Variants in MCF2 observed in about 807,000 individuals in gnomAD.
MCF2 encodes the protein proto-oncogene DBL.
MCF2 carries 44 observed loss-of-function variants against 82.5 expected under a neutral mutation model. The ratio of observed to expected loss-of-function variants is 0.53; its 90% CI spans 0.42 to 0.69. MCF2 has a LOEUF of 0.69. MCF2 is among the 30% of genes least tolerant of loss of function. The probability of loss-of-function intolerance (pLI) is 0.00; values close to 1 mark genes in which losing one functional copy is unlikely to be tolerated. For missense variants in MCF2, 623 were observed against 663.1 expected, an observed-to-expected ratio of 0.94 and a Z score of 0.66; for synonymous variants, 217 against 224.9, an observed-to-expected ratio of 0.96 and a Z score of 0.32.
intron 17 of MCF2, 142 bp downstream of exon 21, chrX:139,598,264 T>A (rs1930264923): frequency 4.8e-6 from 2 of 419,222 alleles, no homozygotes; most frequent in Non-Finnish European, 8.2e-6. Context: ...TGGAGCACAC[T>A]GCAAAATTCT....
chrX:139,648,912 T>G (rs1025579540), intron 2 of MCF2, among the ~76,000 whole-genome samples: 1 of 112,059 alleles, frequency 8.9e-6, no homozygotes, highest in Non-Finnish European at 1.9e-5. Context: ...CAAAAACTGA[T>G]AGAGTGGCAA....
chrX:139,602,477 C>T (rs1352052939), exon 16 of MCF2: 1 of 1,191,374 alleles, frequency 8.4e-7, no homozygotes, highest in Non-Finnish European at 1.1e-6. Flanking sequence ...CAATATTTTG[C>T]ATACATCTGA....
intron 6 of MCF2, among the ~76,000 whole-genome samples, chrX:139,620,571 G>A (rs897868101): frequency 3.6e-5 from 4 of 111,175 alleles, no homozygotes; most frequent in African/African-American, 1.3e-4. Context: ...CACCAATAAT[G>A]TTCAAGCTGA....
chrX:139,603,992 C>T (rs1930771407), intron 15 of MCF2, among the ~76,000 whole-genome samples: 1 of 112,054 alleles, frequency 8.9e-6, no homozygotes. Flanking sequence ...ATTGAATTAA[C>T]TCTTAAATCA....
chrX:139,680,455 T>A (rs964994432), intron 1 of MCF2, among the ~76,000 whole-genome samples: 8 of 112,163 alleles, frequency 7.1e-5, no homozygotes, highest in African/African-American at 2.3e-4. Context: ...GAAAAGGCAC[T>A]GAAAGGGCAT....
Position 139,598,395 on chromosome X carries a change from C to A in MCF2, c.1929+11G>T, listed in dbSNP as rs756234303. On this transcript the variant is annotated intron_variant, in intron 17 of 24. Transcript: ENST00000370576. ...AAAGTAAAGAAACAAACAAATGCTTCATATAATTACCTTCAACAATAACTG... is the reference window on the plus strand; with the variant it reads ...AAAGTAAAGAAACAAACAAATGCTTAATATAATTACCTTCAACAATAACTG... 1 of 1,063,364 alleles carries A rather than the reference C, an allele frequency of 9.4e-7. No homozygotes were observed. Among genetic ancestry groups the A allele is most frequent in the South Asian group, 1.9e-5 (1 of 51,818 alleles). 87.6% of individuals were successfully genotyped at this position (1,063,364 alleles called of 1,213,427 possible).
chrX:139,702,981 G>C (rs1020044730), intron 1 of MCF2, among the ~76,000 whole-genome samples: 1 of 112,271 alleles, frequency 8.9e-6, no homozygotes, highest in Non-Finnish European at 1.9e-5. Context: ...CCCTTCCAAA[G>C]GCATCCCACA....
upstream of MCF2, chrX:139,645,571 G>T: frequency 5.1e-6 from 6 of 1,170,194 alleles, no homozygotes; most frequent in African/African-American, 1.8e-5. Context: ...TACTTACCGA[G>T]ATTTTTTGGA....
chrX:139,635,416 G>A (rs184827629), intron 1 of MCF2, among the ~76,000 whole-genome samples: 81 of 111,433 alleles, frequency 7.3e-4, no homozygotes, highest in Non-Finnish European at 1.3e-3. Flanking sequence ...AGCACTTTGG[G>A]AAGCTGAGGT....
chrX:139,678,480 T>G (rs755570399), intron 1 of MCF2, among the ~76,000 whole-genome samples: 134 of 112,056 alleles, frequency 1.2e-3, no homozygotes, highest in Non-Finnish European at 2.1e-3. Context: ...TTATGCTACA[T>G]TAAAATTTTT....
At chrX:139,703,136 C>T (rs1935529849) in intron 1 of MCF2, among the ~76,000 whole-genome samples, 1 of 111,921 alleles carries the variant, frequency 8.9e-6, no homozygotes, top group African/African-American at 3.2e-5. Flanking sequence ...CTCTTCCCTG[C>T]TCTTCTGCAT....
At chrX:139,633,293 T>C (rs1252389926) in intron 1 of MCF2, among the ~76,000 whole-genome samples, 1 of 111,709 alleles carries the variant, frequency 9.0e-6, no homozygotes, top group East Asian at 2.8e-4. Flanking sequence ...GGAGGACACA[T>C]TGCAAAATAA....
chrX:139,622,819 C>T (rs1603290935), intron 6 of MCF2, among the ~76,000 whole-genome samples: 1 of 109,851 alleles, frequency 9.1e-6, no homozygotes, highest in Non-Finnish European at 1.9e-5. Context: ...CAACATGGCA[C>T]ATGTATACAT....
At chrX:139,619,530 G>T in intron 7 of MCF2, 57 bp downstream of exon 10, 1 of 917,387 alleles carries the variant, frequency 1.1e-6, no homozygotes, top group Non-Finnish European at 1.5e-6. Flanking sequence ...ACCTACTCCC[G>T]CCAAAACATG....
exon 10 of MCF2, chrX:139,614,890 A>G: frequency 8.3e-7 from 1 of 1,204,612 alleles, no homozygotes; most frequent in East Asian, 3.0e-5. Context: ...CCTTGTTTAG[A>G]TGAAAAAAAT....
In MCF2 at chrX:139,637,511, C is replaced by T. The variant is rs778149293; in HGVS notation, c.51+4957G>A. 3.6e-5 allele frequency among the ~76,000 whole-genome samples: 4 copies of T among 110,870 alleles called. No individual in the cohort carries two copies. In the South Asian group the frequency reaches 1.2e-3, roughly 32 times the overall value. On this transcript the variant is annotated intron_variant, in intron 1 of 24. Transcript: ENST00000370576. ...TAGCTTCTCTTTAGCAAAAAAAATACGTATATTTATGTATATTTATATATT... is the reference window on the plus strand; with the variant it reads ...TAGCTTCTCTTTAGCAAAAAAAATATGTATATTTATGTATATTTATATATT...
chrX:139,664,932 G>T (rs1320040007), intron 1 of MCF2, among the ~76,000 whole-genome samples: 2 of 111,454 alleles, frequency 1.8e-5, no homozygotes, highest in Non-Finnish European at 3.8e-5. Flanking sequence ...AAGGCAGTAG[G>T]TTCCCTTGTG....
chrX:139,583,668 G>A (rs1356806908), intron 24 of MCF2, among the ~76,000 whole-genome samples: 2 of 111,396 alleles, frequency 1.8e-5, no homozygotes, highest in Admixed American at 9.6e-5. Context: ...CTACCTGGGT[G>A]ACAGGACCAT....
At chrX:139,650,217 G>A (rs974291583) in intron 2 of MCF2, among the ~76,000 whole-genome samples, 12 of 111,462 alleles carry the variant, frequency 1.1e-4, no homozygotes, top group African/African-American at 3.6e-4. Context: ...AGCTAGGCGT[G>A]GTGGCACACT....
Sources: gnomAD v4.1 joint callset for allele counts (sites outside exome capture counted in the v4.1 genomes callset) on GRCh38, gnomAD v4.1.1 for gene constraint, MANE v1.5 for transcripts, NCBI Gene and HGNC (gene_info 2026-07-23, HGNC 2026-07-21) for gene names.